Variants in YWHAE observed in about 807,000 individuals in gnomAD.
YWHAE encodes the protein tyrosine 3-monooxygenase/tryptophan 5-monooxygenase activation protein epsilon, also known as 14-3-3 protein epsilon.
A neutral mutation model predicts 30.1 loss-of-function variants in YWHAE; 4 were observed. The observed-to-expected ratio is 0.13, with a 90% CI of 0.07 to 0.30. YWHAE has a LOEUF of 0.30. Ranked by LOEUF, YWHAE falls within the 10% of genes least tolerant of loss-of-function variation. YWHAE has a pLI of 1.00. For missense variants in YWHAE, 121 were observed against 315.9 expected, an observed-to-expected ratio of 0.38 and a Z score of 4.68; for synonymous variants, 118 against 111.8, an observed-to-expected ratio of 1.06 and a Z score of -0.35.
chr17:1,364,106 C>T (rs888484050), intron 2 of YWHAE, among the ~76,000 whole-genome samples: 1 of 151,412 alleles, frequency 6.6e-6, no homozygotes, highest in Non-Finnish European at 1.5e-5. Flanking sequence ...ACAAGACCTA[C>T]AATAAGAAAC....
intron 2 of YWHAE, among the ~76,000 whole-genome samples, chr17:1,363,291 C>A (rs1205288860): frequency 6.6e-6 from 1 of 152,070 alleles, no homozygotes; most frequent in Non-Finnish European, 1.5e-5. Context: ...TTCAGAGTTT[C>A]CCTCTTGTTG....
At chr17:1,355,381 G>A (rs866816742) in intron 4 of YWHAE, among the ~76,000 whole-genome samples, 1 of 151,282 alleles carries the variant, frequency 6.6e-6, no homozygotes, top group Admixed American at 6.6e-5. Flanking sequence ...GGATGGTCTT[G>A]ATCTTCTGAC....
rs796242459 is a variant in YWHAE, at chr17:1,373,980, G to T, written c.65-8922C>A. On this transcript the variant is annotated intron_variant, in intron 1 of 5. Transcript: ENST00000264335. ...TCAAGTTTCATGCCTAGTGTAGCAT[G>T]CATCAGTACTTCACCTACTGTATGG... Among the ~76,000 whole-genome samples, 5 of 152,150 alleles carry T rather than the reference G, an allele frequency of 3.3e-5. No individual in the cohort carries two copies. In the South Asian group the frequency reaches 6.2e-4, roughly 19 times the overall value.
chr17:1,355,576 TTATG>T (rs1292353100), intron 4 of YWHAE, among the ~76,000 whole-genome samples: 1 of 152,136 alleles, frequency 6.6e-6, no homozygotes, highest in Non-Finnish European at 1.5e-5. Context: ...GGAAATGTGA[TTATG>T]TAAGCCATTT....
At chr17:1,378,533 C>T (rs1378451877) in intron 1 of YWHAE, among the ~76,000 whole-genome samples, 2 of 152,226 alleles carry the variant, frequency 1.3e-5, no homozygotes, top group Non-Finnish European at 2.9e-5. Flanking sequence ...GATTATCACG[C>T]ACCTTCTCTA....
intron 1 of YWHAE, among the ~76,000 whole-genome samples, chr17:1,394,436 C>CAAAAA (rs544115909): frequency 0.014 from 802 of 58,520 alleles, 44 homozygotes; most frequent in African/African-American, 0.055. Flanking sequence ...CTCAAATCCA[C>CAAAAA]AAAAAAAAAA....
chr17:1,378,405 T>C (rs942878721), intron 1 of YWHAE, among the ~76,000 whole-genome samples: 2 of 152,234 alleles, frequency 1.3e-5, no homozygotes, highest in Non-Finnish European at 2.9e-5. Context: ...AGATAATTCA[T>C]GACAATCAAC....
chr17:1,370,333 A>T (rs78971562), intron 1 of YWHAE, among the ~76,000 whole-genome samples: 5 of 151,058 alleles, frequency 3.3e-5, no homozygotes, highest in Admixed American at 6.6e-5. Flanking sequence ...GGGTTTCACC[A>T]TGTTAGCCAG....
chr17:1,395,515 C>T (rs528320134), intron 1 of YWHAE, among the ~76,000 whole-genome samples: 2 of 152,070 alleles, frequency 1.3e-5, no homozygotes, highest in Admixed American at 1.3e-4. Context: ...GGGGACAGAG[C>T]CCAGTCGTAG....
intron 1 of YWHAE, among the ~76,000 whole-genome samples, chr17:1,370,903 G>A (rs552055899): frequency 6.6e-6 from 1 of 151,390 alleles, no homozygotes. Flanking sequence ...AGGAGGCTGA[G>A]GCAGGAGAAT....
At chr17:1,349,052 G>GT (rs1555637793) in intron 5 of YWHAE, among the ~76,000 whole-genome samples, 1 of 146,720 alleles carries the variant, frequency 6.8e-6, no homozygotes, top group Non-Finnish European at 1.5e-5. Context: ...AAAAAAAGAT[G>GT]TAATACTAGG....
intron 2 of YWHAE, chr17:1,364,610 A>C (rs546450822): frequency 2.2e-5 from 12 of 537,628 alleles, no homozygotes; most frequent in South Asian, 1.7e-4. Context: ...ATCCATTGAG[A>C]CCTGCCAGTG....
chr17:1,374,029 T>G (rs535433442), intron 1 of YWHAE, among the ~76,000 whole-genome samples: 6 of 152,060 alleles, frequency 3.9e-5, no homozygotes, highest in Non-Finnish European at 8.8e-5. Context: ...TAAAAATCCA[T>G]TCATTAGGCC....
At chr17:1,384,535 C>A (rs1044869621) in intron 1 of YWHAE, among the ~76,000 whole-genome samples, 4 of 149,142 alleles carry the variant, frequency 2.7e-5, no homozygotes, top group East Asian at 2.1e-4. Flanking sequence ...ACTAAAAATA[C>A]AAAAAAAATT....
rs752403153 is a variant in YWHAE, at chr17:1,354,338, T to C, written c.588A>G (p.Lys196=). ...NSPDRACRLA[K]AAFDDAIAEL... ...CTGCAATTGCATCATCAAAAGCTGC[T>C]TTTGCCAACCTAAAGGTATTTCAAT... Residue 196 remains lysine, a synonymous_variant, in exon 5 of 6, where the codon AAA becomes AAG. Coordinates refer to ENST00000264335, the MANE Select transcript of YWHAE (RefSeq NM_006761.5). The C allele has an allele frequency of 2.5e-6, 4 of 1,613,638 alleles. No individual in the cohort carries two copies. The South Asian group carries it at 4.4e-5, about 18-fold the overall frequency.
intron 1 of YWHAE, among the ~76,000 whole-genome samples, chr17:1,374,237 G>T (rs1337767762): frequency 6.6e-6 from 1 of 151,658 alleles, no homozygotes; most frequent in African/African-American, 2.4e-5. Context: ...ACAACTGCTT[G>T]AACACGGGAG....
intron 2 of YWHAE, among the ~76,000 whole-genome samples, chr17:1,364,199 A>G (rs1422312330): frequency 2.7e-5 from 4 of 149,322 alleles, no homozygotes; most frequent in African/African-American, 1.0e-4. Context: ...GGAATCAGAC[A>G]AATTAACCCA....
At chr17:1,374,570 A>T (rs1430646729) in intron 1 of YWHAE, among the ~76,000 whole-genome samples, 1 of 152,118 alleles carries the variant, frequency 6.6e-6, no homozygotes, top group Non-Finnish European at 1.5e-5. Flanking sequence ...CAGGATTCTA[A>T]TCTGGCCACG....
chr17:1,362,532 G>C (rs563334950), intron 2 of YWHAE, among the ~76,000 whole-genome samples: 4 of 152,012 alleles, frequency 2.6e-5, no homozygotes, highest in Non-Finnish European at 5.9e-5. Flanking sequence ...CATTCACCAG[G>C]CAATTCCTTT....
Sources: gnomAD v4.1 joint callset for allele counts (sites outside exome capture counted in the v4.1 genomes callset) on GRCh38, gnomAD v4.1.1 for gene constraint, MANE v1.5 for transcripts, NCBI Gene and HGNC (gene_info 2026-07-23, HGNC 2026-07-21) for gene names.